Variants in ZEB1 observed in about 807,000 individuals in gnomAD.
The protein encoded by ZEB1 is zinc finger E-box binding homeobox 1.
ZEB1 carries 21 observed loss-of-function variants against 84.9 expected under a neutral mutation model. That is an observed-to-expected ratio of 0.25 (90% CI 0.18 to 0.36). The LOEUF (loss-of-function observed/expected upper bound fraction) is 0.36. ZEB1 is among the 10% of genes least tolerant of loss of function. The pLI is 1.00. For missense variants in ZEB1, 1,104 were observed against 1,330.2 expected (o/e 0.83, Z 2.65); for synonymous variants, 420 against 471.1 (o/e 0.89, Z 1.41).
intron 1 of ZEB1, among the ~76,000 whole-genome samples, chr10:31,396,388 G>A (rs1366484741): frequency 6.6e-6 from 1 of 152,174 alleles, no homozygotes; most frequent in African/African-American, 2.4e-5. Context: ...TACAAAAGCA[G>A]TGAATCCCAG....
At chr10:31,476,015 C>CTTAA (rs2064113913) in intron 2 of ZEB1, among the ~76,000 whole-genome samples, 1 of 151,956 alleles carries the variant, frequency 6.6e-6, no homozygotes, top group Non-Finnish European at 1.5e-5. Context: ...AGAAGCAGGA[C>CTTAA]TTAACCATCT....
At chr10:31,505,512 T>C (rs2068829837) in intron 4 of ZEB1, among the ~76,000 whole-genome samples, 1 of 152,132 alleles carries the variant, frequency 6.6e-6, no homozygotes. Context: ...TGGTAGGCTG[T>C]GTCCAGGAAT....
At chr10:31,319,358 GGGGTGA>G (rs2087300460) in intron 1 of ZEB1, 66 bp downstream of exon 1, 1 of 1,529,446 alleles carries the variant, frequency 6.5e-7, no homozygotes, top group Non-Finnish European at 8.9e-7. Context: ...GGCGCCCCCG[GGGGTGA>G]GGGGGGCGAG....
intron 2 of ZEB1, among the ~76,000 whole-genome samples, chr10:31,475,592 A>G (rs1192281922): frequency 1.3e-5 from 2 of 152,208 alleles, no homozygotes; most frequent in African/African-American, 4.8e-5. Flanking sequence ...CTAATGGTAG[A>G]CATCTCAGCA....
chr10:31,413,293 G>C (rs1422482741), intron 1 of ZEB1, among the ~76,000 whole-genome samples: 1 of 152,170 alleles, frequency 6.6e-6, no homozygotes, highest in African/African-American at 2.4e-5. Flanking sequence ...TGCCTTTTGG[G>C]CTTCTTAGGT....
intron 1 of ZEB1, among the ~76,000 whole-genome samples, chr10:31,408,620 A>C (rs1313181647): frequency 6.9e-6 from 1 of 145,328 alleles, no homozygotes; most frequent in East Asian, 1.9e-4. Flanking sequence ...TCTTTGACAA[A>C]CCTGAGAAAA....
At chr10:31,518,869 T>C (rs773612715) in intron 6 of ZEB1, among the ~76,000 whole-genome samples, 2 of 152,208 alleles carry the variant, frequency 1.3e-5, no homozygotes, top group Non-Finnish European at 2.9e-5. Flanking sequence ...CCAATTCTTA[T>C]ATATGATTCT....
At chr10:31,467,904 G>A (rs1158270470) in intron 2 of ZEB1, among the ~76,000 whole-genome samples, 1 of 152,140 alleles carries the variant, frequency 6.6e-6, no homozygotes, top group African/African-American at 2.4e-5. Flanking sequence ...TGGCAGTCTG[G>A]GCACAGGTGG....
intron 1 of ZEB1, among the ~76,000 whole-genome samples, chr10:31,352,118 C>A (rs867214524): frequency 2.0e-5 from 3 of 152,054 alleles, no homozygotes; most frequent in African/African-American, 7.2e-5. Context: ...AGACTTTATT[C>A]TGTTACCTAT....
intron 1 of ZEB1, chr10:31,361,101 A>G: frequency 6.2e-7 from 1 of 1,611,984 alleles, no homozygotes; most frequent in South Asian, 1.1e-5. Flanking sequence ...TACAAGAACG[A>G]TCTGATCTTA....
At chr10:31,453,029 C>G (rs188759938) in intron 1 of ZEB1, among the ~76,000 whole-genome samples, 4 of 151,990 alleles carry the variant, frequency 2.6e-5, no homozygotes, top group Admixed American at 6.6e-5. Context: ...TATGTGGAAC[C>G]AGTTTGTTAA....
chr10:31,498,082 AC>A (rs2067536578), intron 3 of ZEB1, among the ~76,000 whole-genome samples: 1 of 152,046 alleles, frequency 6.6e-6, no homozygotes, highest in Admixed American at 6.6e-5. Flanking sequence ...TTTAAAGAAA[AC>A]CCAATTACCT....
At chr10:31,318,978 T>A (rs1487475779), upstream of ZEB1, 5 of 539,800 alleles carry the variant, frequency 9.3e-6, no homozygotes, top group Non-Finnish European at 1.7e-5. Flanking sequence ...CCACCACACC[T>A]GAGGAAAACT....
chr10:31,485,682 C>T (rs1761377), intron 2 of ZEB1, among the ~76,000 whole-genome samples: 11,760 of 148,396 alleles, frequency 0.079, 634 homozygotes, highest in African/African-American at 0.16. Context: ...AAGTAAGTTT[C>T]TTTTTTTTTT....
At chr10:31,393,813 T>C (rs188276146) in intron 1 of ZEB1, among the ~76,000 whole-genome samples, 1 of 152,226 alleles carries the variant, frequency 6.6e-6, no homozygotes, top group South Asian at 2.1e-4. Flanking sequence ...GCTTATATCT[T>C]TTTGTGTATA....
At chr10:31,432,877 A>C (rs1048439187) in intron 1 of ZEB1, among the ~76,000 whole-genome samples, 5 of 152,196 alleles carry the variant, frequency 3.3e-5, no homozygotes. Context: ...ATGTTTACAA[A>C]TCTCTTTAAT....
intron 1 of ZEB1, among the ~76,000 whole-genome samples, chr10:31,438,849 T>C (rs73262006): frequency 0.063 from 9,617 of 152,084 alleles, 757 homozygotes; most frequent in African/African-American, 0.18. Context: ...GTGTCTAAAA[T>C]ATACATACAT....
intron 2 of ZEB1, among the ~76,000 whole-genome samples, chr10:31,483,363 A>T (rs938754706): frequency 1.3e-5 from 2 of 152,046 alleles, no homozygotes; most frequent in Admixed American, 1.3e-4. Context: ...ATGGTACATT[A>T]AGTAATGGAA....
intron 1 of ZEB1, among the ~76,000 whole-genome samples, chr10:31,397,677 T>C (rs1590824902): frequency 6.6e-6 from 1 of 152,310 alleles, no homozygotes; most frequent in East Asian, 1.9e-4. Context: ...GTATGGCCTA[T>C]GACCTAAGAA....
Sources: gnomAD v4.1 joint callset for allele counts (sites outside exome capture counted in the v4.1 genomes callset) on GRCh38, gnomAD v4.1.1 for gene constraint, MANE v1.5 for transcripts, NCBI Gene and HGNC (gene_info 2026-07-23, HGNC 2026-07-21) for gene names.